The following RAD1 variants were observed in gnomAD, a reference collection of about 807,000 sequenced individuals.
The protein encoded by RAD1 is RAD1 checkpoint DNA exonuclease, also known as cell cycle checkpoint protein RAD1.
A neutral mutation model predicts 30.0 loss-of-function variants in RAD1; 21 were observed. The ratio of observed to expected loss-of-function variants is 0.70; its 90% CI spans 0.50 to 1.01. The LOEUF is 1.01. RAD1 is among the 50% of genes least tolerant of loss of function. RAD1 has a pLI of 0.00. For missense variants in RAD1, 329 were observed against 329.0 expected (o/e 1.00, Z 0.00); for synonymous variants, 109 against 113.6 (o/e 0.96, Z 0.26).
chr5:34,908,562 C>T lies in RAD1; in HGVS notation c.*203G>A. On this transcript the variant is annotated 3_prime_UTR_variant, in exon 6 of 6. Coordinates refer to ENST00000382038, the MANE Select transcript of RAD1 (RefSeq NM_002853.4). ...GACAGTCCTGAATAATCTATGACTA[C>T]AGGAAAACATTTATTTACATGCCCT... is the stretch of plus-strand genomic sequence containing the variant. 1 of 482,674 alleles carries T rather than the reference C, an allele frequency of 2.1e-6. No homozygotes were observed. The highest frequency in any genetic ancestry group is 3.7e-6 in the Non-Finnish European group (1 of 271,646). The allele number at this position is 482,674 out of a possible 1,614,324, so 29.9% of individuals were successfully genotyped here.
At chr5:34,910,795 T>C (rs1763811968) in intron 4 of RAD1, among the ~76,000 whole-genome samples, 1 of 152,244 alleles carries the variant, frequency 6.6e-6, no homozygotes, top group Admixed American at 6.5e-5. Context: ...TCCATATGTA[T>C]TTAGGGGCTT....
rs781306644 is a variant in RAD1, at chr5:34,914,940, T to A, written c.-48A>T. ...GAGGGATGCTCCTGGGGCCAACAACTTCTCGGCGGATCGCCAAACACCTGA... is the reference window on the plus strand; with the variant it reads ...GAGGGATGCTCCTGGGGCCAACAACATCTCGGCGGATCGCCAAACACCTGA... On this transcript the variant is annotated 5_prime_UTR_variant, in exon 2 of 6. The change creates a new upstream start codon in the 5' untranslated region. Coordinates refer to ENST00000382038, the MANE Select transcript of RAD1 (RefSeq NM_002853.4). 1.4e-5 allele frequency: 22 copies of A among 1,601,980 alleles called. No homozygotes were observed. The South Asian group carries it at 2.3e-4, about 17-fold the overall frequency.
At chr5:34,910,432 C>T (rs1308137296) in intron 4 of RAD1, among the ~76,000 whole-genome samples, 20 of 143,812 alleles carry the variant, frequency 1.4e-4, no homozygotes, top group African/African-American at 4.8e-4. Flanking sequence ...TTTTTCTTTT[C>T]TTTTTTTTTT....
In RAD1 at chr5:34,909,376, C is replaced by A; in HGVS notation, c.567-20G>T. On this transcript the variant is annotated intron_variant, in intron 4 of 5. Coordinates refer to ENST00000382038, the MANE Select transcript of RAD1 (RefSeq NM_002853.4). ...GATAACCTATAGAAAATGATTACCT[C>A]ATTTATTCATTCATCCAAAAATAAA... 3.4e-6 allele frequency: 5 copies of A among 1,490,536 alleles called. No homozygotes were observed. The South Asian group carries it at 3.5e-5, about 10-fold the overall frequency. 92.3% of individuals were successfully genotyped at this position (1,490,536 alleles called of 1,614,324 possible).
In RAD1 at chr5:34,914,777, T is replaced by C; in HGVS notation, c.116A>G (p.His39Arg). 3 of 1,614,252 alleles carry C rather than the reference T, an allele frequency of 1.9e-6. No homozygotes were observed. Among genetic ancestry groups the C allele is most frequent in the Admixed American group, 1.7e-5 (1 of 60,030 alleles). Residue 39 changes from histidine to arginine, a missense_variant, in exon 2 of 6, where the codon CAT becomes CGT. Physicochemically the swap from His to Arg is conservative, Grantham distance 29. Coordinates refer to ENST00000382038, the MANE Select transcript of RAD1 (RefSeq NM_002853.4). Reference sequence around the variant, plus strand: ...ATTTTTAGTTGCGAAACACGTGGCATGTTCTCGGAAATGAATAGCTTTCAA... The same window carrying C: ...ATTTTTAGTTGCGAAACACGTGGCACGTTCTCGGAAATGAATAGCTTTCAA... The part of the protein sequence containing the change: ...TILKAIHFRE[H>R]ATCFATKNGI...
At position 34,911,954 on chromosome 5, in the gene RAD1, G is replaced by T. The variant is rs185162134; in HGVS notation, c.308-142C>A. ...TATGTATCTCCTCATAAAAAGGGAT[G>T]ACATCTTCCCTGATGACAGTTGTGT... On this transcript the variant is annotated intron_variant, in intron 3 of 5. Coordinates refer to ENST00000382038, the MANE Select transcript of RAD1 (RefSeq NM_002853.4). 105 of 992,010 alleles carry T rather than the reference G, an allele frequency of 1.1e-4. No homozygotes were observed. The East Asian group carries it at 2.4e-3, about 23-fold the overall frequency. The allele number at this position is 992,010 out of a possible 1,614,324, so 61.5% of individuals were successfully genotyped here. A position where few individuals can be genotyped will look rare whatever the true frequency, so the allele number is the denominator to read the frequency against.
At chr5:34,911,984 A>C (rs1046148469) in intron 3 of RAD1, among the ~76,000 whole-genome samples, 172 bp from the exon 4 acceptor site, 8 of 152,254 alleles carry the variant, frequency 5.3e-5, no homozygotes, top group Non-Finnish European at 1.2e-4. Flanking sequence ...TTGTGTGTAG[A>C]GAATTCCAAA....
chr5:34,912,985 G>A (rs1763899091), intron 3 of RAD1, among the ~76,000 whole-genome samples: 1 of 152,160 alleles, frequency 6.6e-6, no homozygotes, highest in African/African-American at 2.4e-5. Flanking sequence ...TGGGCAACAA[G>A]AGAGAAACTC....
chr5:34,908,465 G>A lies in RAD1; in HGVS notation c.*300C>T. 1 of 192,004 alleles carries A rather than the reference G, an allele frequency of 5.2e-6. No homozygotes were observed. The allele number at this position is 192,004 out of a possible 1,614,324, so 11.9% of individuals were successfully genotyped here. A position where few individuals can be genotyped will look rare whatever the true frequency, so the allele number is the denominator to read the frequency against. ...GCTGGGATTAAAGCCACCACACCCG[G>A]CCACCTTTAGACTCTTGAAATGTTA... On this transcript the variant is annotated 3_prime_UTR_variant, in exon 6 of 6. Transcript: ENST00000382038.
Position 34,910,593 on chromosome 5 carries a change from A to C in RAD1, c.566+961T>G, listed in dbSNP as rs552341132. On this transcript the variant is annotated intron_variant, in intron 4 of 5. Transcript: ENST00000382038. ...TAGGCACGTGCCACCACGCCCAACTAATTTTTCTATTTTTAGTAGAGACAG... is the reference window on the plus strand; with the variant it reads ...TAGGCACGTGCCACCACGCCCAACTCATTTTTCTATTTTTAGTAGAGACAG... 1.1e-3 allele frequency among the ~76,000 whole-genome samples: 164 copies of C among 151,770 alleles called. 1 individual carries two copies. The highest frequency in any genetic ancestry group is 1.8e-3 in the Non-Finnish European group (120 of 67,944).
chr5:34,911,925 C>T, intron 3 of RAD1, 113 bp from the exon 4 acceptor site: 2 of 1,242,000 alleles, frequency 1.6e-6, no homozygotes, highest in Non-Finnish European at 2.3e-6. Flanking sequence ...CAATTTCTCA[C>T]ATATATGTAT....
chr5:34,912,641 C>A (rs554312206), intron 3 of RAD1, among the ~76,000 whole-genome samples: 59 of 152,180 alleles, frequency 3.9e-4, no homozygotes, highest in Non-Finnish European at 3.5e-4. Context: ...TTTATACCCA[C>A]AGCAATTCAA....
At position 34,911,712 on chromosome 5, in the gene RAD1, T is replaced by G. The variant is rs766500200; in HGVS notation, c.408A>C (p.Thr136=). Residue 136 remains threonine (T), a synonymous_variant, in exon 4 of 6, where the codon ACA becomes ACC. Coordinates refer to ENST00000382038, the MANE Select transcript of RAD1 (RefSeq NM_002853.4). ...AGTCCAGGGTCTCCTCAGGTTCCTGTGTATTGATTTTGCAGACTGTCACCA... is the reference window on the plus strand; with the variant it reads ...AGTCCAGGGTCTCCTCAGGTTCCTGGGTATTGATTTTGCAGACTGTCACCA... ...GGVVTVCKIN[T]QEPEETLDFD... The G allele has an allele frequency of 2.5e-6, 4 of 1,614,130 alleles. No individual in the cohort carries two copies. Among genetic ancestry groups the G allele is most frequent in the East Asian group, 2.2e-5 (1 of 44,876 alleles).
At chr5:34,909,450 T>C in intron 4 of RAD1, 94 bp from the exon 5 acceptor site, 1 of 816,328 alleles carries the variant, frequency 1.2e-6, no homozygotes, top group Non-Finnish European at 2.0e-6. Flanking sequence ...AAATTCATAC[T>C]AGTGGGTGAA....
chr5:34,913,443 T>C, intron 3 of RAD1, 27 bp downstream of exon 3: 2 of 1,351,226 alleles, frequency 1.5e-6, no homozygotes, highest in South Asian at 1.4e-5. Context: ...ATAACACTTT[T>C]ATGTCTTTAT....
chr5:34,909,280 A>G lies in RAD1; in HGVS notation c.643T>C (p.Cys215Arg). ...KDSDLMEAFH[C>R]NQTQVNRYKI... ...GACCTGTTGACTTGGGTCTGATTACAATGAAATGCTTCCATCAAATCAGAA... is the reference window on the plus strand; with the variant it reads ...GACCTGTTGACTTGGGTCTGATTACGATGAAATGCTTCCATCAAATCAGAA... The change falls in exon 5 of 6, where the codon TGT (cysteine) becomes CGT (arginine). Residue 215 changes from cysteine (C) to arginine (R), a missense_variant. Physicochemically the swap from Cys to Arg is radical, Grantham distance 180. Transcript: ENST00000382038. The G allele has an allele frequency of 1.2e-6, 2 of 1,610,424 alleles. No homozygotes were observed. The highest frequency in any genetic ancestry group is 1.7e-6 in the Non-Finnish European group (2 of 1,177,054).
At chr5:34,911,870 C>T (rs1354404315) in intron 3 of RAD1, 58 bp from the exon 4 acceptor site, 3 of 1,553,132 alleles carry the variant, frequency 1.9e-6, no homozygotes, top group Non-Finnish European at 1.7e-6. Context: ...TTCAGCTTCT[C>T]CTCGAAATGA....
chr5:34,908,383 C>A lies in RAD1; in HGVS notation c.*382G>T, dbSNP rs1009668268. ...AGAGATGGGGTTTCTCCACGTTGGT[C>A]AGGCTGGTCTCGAACTCCTGACCTC... On this transcript the variant is annotated 3_prime_UTR_variant, in exon 6 of 6. Coordinates refer to ENST00000382038, the MANE Select transcript of RAD1 (RefSeq NM_002853.4). 6.5e-6 allele frequency: 1 copy of A among 153,842 alleles called. No individual in the cohort carries two copies. The highest frequency in any genetic ancestry group is 2.4e-5 in the African/African-American group (1 of 41,490). 9.5% of individuals were successfully genotyped at this position (153,842 alleles called of 1,614,324 possible). A position where few individuals can be genotyped will look rare whatever the true frequency, so the allele number is the denominator to read the frequency against.
chr5:34,910,458 C>T (rs1170179023), intron 4 of RAD1, among the ~76,000 whole-genome samples: 5 of 150,444 alleles, frequency 3.3e-5, no homozygotes, highest in African/African-American at 1.2e-4. Context: ...GACAGATTCT[C>T]ACTCTGTCAC....
Sources: allele counts gnomAD v4.1 joint callset (sites outside exome capture counted in the v4.1 genomes callset), GRCh38; gene constraint gnomAD v4.1.1; transcripts MANE v1.5; gene names NCBI Gene and HGNC (gene_info 2026-07-23, HGNC 2026-07-21).